ARMC9: variants seen among roughly 807,000 people sequenced by gnomAD.
The protein encoded by ARMC9 is armadillo repeat containing 9.
In ARMC9, 94 loss-of-function variants were observed where a neutral mutation model predicts 107.0. The observed-to-expected ratio is 0.88, with a 90% CI of 0.74 to 1.04. The LOEUF (loss-of-function observed/expected upper bound fraction) is 1.04. Ranked by LOEUF, ARMC9 falls within the 50% of genes least tolerant of loss-of-function variation. ARMC9 has a pLI of 0.00. For synonymous variants in ARMC9, 380 were observed against 396.9 expected, an observed-to-expected ratio of 0.96 and a Z score of 0.51; for missense variants, 942 against 1,030.1, an observed-to-expected ratio of 0.91 and a Z score of 1.17.
At chr2:231,259,151 GT>G in intron 11 of ARMC9, 49 bp downstream of exon 11, 1 of 1,493,272 alleles carries the variant, frequency 6.7e-7, no homozygotes, top group African/African-American at 1.4e-5. Context: ...ACCAGTGCTG[GT>G]TTTCTTGGCT....
chr2:231,292,710 C>T (rs990226314), intron 18 of ARMC9, among the ~76,000 whole-genome samples: 3 of 152,184 alleles, frequency 2.0e-5, no homozygotes, highest in African/African-American at 7.2e-5. Context: ...CTCTCCATGC[C>T]CTTCCCTGAC....
intron 12 of ARMC9, among the ~76,000 whole-genome samples, chr2:231,268,301 G>A (rs1381814321): frequency 6.6e-6 from 1 of 152,152 alleles, no homozygotes; most frequent in African/African-American, 2.4e-5. Context: ...CACTCATCAG[G>A]CTGTACATGT....
chr2:231,339,203 C>T (rs2044336140), intron 20 of ARMC9, among the ~76,000 whole-genome samples: 1 of 144,030 alleles, frequency 6.9e-6, no homozygotes, highest in African/African-American at 2.4e-5. Context: ...TGGTGTGCAT[C>T]TGTAATCCCA....
chr2:231,220,717 C>T (rs1410893810), intron 5 of ARMC9, among the ~76,000 whole-genome samples: 1 of 151,608 alleles, frequency 6.6e-6, no homozygotes, highest in Non-Finnish European at 1.5e-5. Flanking sequence ...TGTTCTTATT[C>T]TCAGAGTTGA....
At position 231,310,432 on chromosome 2, in the gene ARMC9, A is replaced by G. The variant is rs572062996; in HGVS notation, c.1773+14179A>G. Among the ~76,000 whole-genome samples, 122 of 118,566 alleles carry G rather than the reference A, an allele frequency of 1.0e-3. 1 individual carries two copies. Among genetic ancestry groups the G allele is most frequent in the African/African-American group, 4.6e-3 (116 of 25,056 alleles). 77.8% of individuals were successfully genotyped at this position (118,566 alleles called of 152,430 possible). A position where few individuals can be genotyped will look rare whatever the true frequency, so the allele number is the denominator to read the frequency against. ...AAACTCCATCTCAAAAAAAAAAAAA[A>G]GGTAAAGTTAAGCTATGGGCGGGTG... On this transcript the variant is annotated intron_variant, in intron 19 of 24. Transcript: ENST00000611582.
intron 5 of ARMC9, among the ~76,000 whole-genome samples, chr2:231,222,232 A>G (rs2034218224): frequency 6.6e-6 from 1 of 152,210 alleles, no homozygotes; most frequent in African/African-American, 2.4e-5. Context: ...TGCTAAGACT[A>G]TATCATAATT....
chr2:231,270,665 G>C lies in ARMC9; in HGVS notation c.1120-317G>C, dbSNP rs990009592. 5 of 527,606 alleles carry C rather than the reference G, an allele frequency of 9.5e-6. No homozygotes were observed. In the Middle Eastern group the frequency reaches 8.8e-4, roughly 93 times the overall value. The allele number at this position is 527,606 out of a possible 1,614,324, so 32.7% of individuals were successfully genotyped here. ...GGGAGCCAAATTAGTCATGTGTCTTGGATCTGCCATTCTAACCTGGAAAAC... is the reference window on the plus strand; with the variant it reads ...GGGAGCCAAATTAGTCATGTGTCTTCGATCTGCCATTCTAACCTGGAAAAC... On this transcript the variant is annotated intron_variant, in intron 12 of 24. Transcript: ENST00000611582.
intron 11 of ARMC9, among the ~76,000 whole-genome samples, chr2:231,261,257 C>T (rs991888469): frequency 5.3e-5 from 8 of 152,174 alleles, no homozygotes; most frequent in African/African-American, 1.2e-4. Flanking sequence ...CTGTACACAC[C>T]GATGTGCACA....
chr2:231,226,891 A>G, intron 7 of ARMC9, 93 bp downstream of exon 7: 1 of 1,450,900 alleles, frequency 6.9e-7, no homozygotes, highest in South Asian at 1.2e-5. Flanking sequence ...AGAATTCATG[A>G]TTTTGGCTTT....
At chr2:231,282,389 G>A (rs1426249433) in intron 17 of ARMC9, among the ~76,000 whole-genome samples, 1 of 152,166 alleles carries the variant, frequency 6.6e-6, no homozygotes, top group Admixed American at 6.5e-5. Context: ...GCTGACTTTT[G>A]CAAAGTTATA....
chr2:231,375,371 TGGCCAA>T lies in ARMC9; in HGVS notation c.*3841_*3846del, dbSNP rs201995471. ...CTCCCATTGTCCAAAGCAGACCACA[TGGCCAA>T]GGCCCAAGTCTGTGTGAAAGGATGT... On this transcript the variant is annotated 3_prime_UTR_variant, in exon 25 of 25. Coordinates refer to ENST00000611582, the MANE Select transcript of ARMC9 (RefSeq NM_001352754.2). This position sits in a 1 kb window ranked among gnomAD's most constrained non-coding sequence, Gnocchi z 4.3. 1.3e-3 allele frequency among the ~76,000 whole-genome samples: 205 copies of T among 152,306 alleles called. 4 individuals are homozygous for T. In the East Asian group the frequency reaches 0.036, roughly 27 times the overall value.
intron 19 of ARMC9, among the ~76,000 whole-genome samples, chr2:231,318,408 A>G (rs953527662): frequency 6.6e-6 from 1 of 152,092 alleles, no homozygotes; most frequent in Non-Finnish European, 1.5e-5. Context: ...GTTTTCCCAC[A>G]CTGTTAGCTT....
At chr2:231,262,073 C>T (rs546301055) in intron 11 of ARMC9, among the ~76,000 whole-genome samples, 2 of 152,230 alleles carry the variant, frequency 1.3e-5, no homozygotes, top group South Asian at 2.1e-4. Flanking sequence ...CCACCTGCCT[C>T]GGCCTCCCAA....
intron 20 of ARMC9, among the ~76,000 whole-genome samples, chr2:231,337,916 A>G (rs1373759717): frequency 6.6e-6 from 1 of 152,232 alleles, no homozygotes; most frequent in South Asian, 2.1e-4. Context: ...CTACCCAACC[A>G]GAGGTAATCA....
At chr2:231,368,274 C>G (rs146602649) in intron 23 of ARMC9, among the ~76,000 whole-genome samples, 75 of 152,258 alleles carry the variant, frequency 4.9e-4, no homozygotes, top group Non-Finnish European at 7.2e-4. Flanking sequence ...CAACCCAGTT[C>G]CCTGGTCAGA....
intron 22 of ARMC9, among the ~76,000 whole-genome samples, chr2:231,359,002 C>T (rs769743186): frequency 6.6e-6 from 1 of 151,878 alleles, no homozygotes; most frequent in Non-Finnish European, 1.5e-5. Flanking sequence ...AGAGATACTA[C>T]TGTCCCAGGA....
At position 231,360,048 on chromosome 2, in the gene ARMC9, G is replaced by A. The variant is rs115177322; in HGVS notation, c.2132-706G>A. Among the ~76,000 whole-genome samples, 512 of 152,314 alleles carry A rather than the reference G, an allele frequency of 3.4e-3. 2 individuals carry two copies. Among genetic ancestry groups the A allele is most frequent in the Non-Finnish European group, 5.2e-3 (355 of 68,016 alleles). On this transcript the variant is annotated intron_variant, in intron 22 of 24. Coordinates refer to ENST00000611582, the MANE Select transcript of ARMC9 (RefSeq NM_001352754.2). This position sits in a 1 kb window ranked among gnomAD's most constrained non-coding sequence, Gnocchi z 4.7. The stretch of plus-strand genomic sequence containing the variant: ...AGTGACATGGACCCCTTCAGCTGTA[G>A]GAGAAGAGGAGAGGCGGGGTGGGGG...
chr2:231,296,926 T>C (rs953892187), intron 19 of ARMC9, among the ~76,000 whole-genome samples: 11 of 152,224 alleles, frequency 7.2e-5, no homozygotes, highest in Non-Finnish European at 1.5e-4. Flanking sequence ...TTGATTTGCC[T>C]GCCTTCATTT....
At position 231,287,564 on chromosome 2, in the gene ARMC9, C is replaced by T. The variant is rs1011172555; in HGVS notation, c.1627-3789C>T. Reference sequence around the variant, plus strand: ...TGCTTTGCTTTGCTTTGCTCTCCTTCCTTTCGACGGGGTCTCACTATGTCA... The same window carrying T: ...TGCTTTGCTTTGCTTTGCTCTCCTTTCTTTCGACGGGGTCTCACTATGTCA... On this transcript the variant is annotated intron_variant, in intron 17 of 24. Coordinates refer to ENST00000611582, the MANE Select transcript of ARMC9 (RefSeq NM_001352754.2). Among the ~76,000 whole-genome samples the T allele has an allele frequency of 1.5e-3, 233 of 151,918 alleles. 2 individuals are homozygous for T. Among genetic ancestry groups the T allele is most frequent in the African/African-American group, 5.0e-3 (209 of 41,400 alleles).
Sources: allele counts gnomAD v4.1 joint callset (sites outside exome capture counted in the v4.1 genomes callset), GRCh38; gene constraint gnomAD v4.1.1; non-coding constraint Gnocchi (gnomAD v3.1); transcripts MANE v1.5; gene names NCBI Gene and HGNC (gene_info 2026-07-23, HGNC 2026-07-21).